Variants in RBFOX1 observed in about 807,000 individuals in gnomAD.
RBFOX1 encodes RNA binding protein fox-1 homolog 1.
Under a neutral mutation model 57.7 loss-of-function variants are expected in RBFOX1, and 8 were observed. The observed-to-expected ratio is 0.14, with a 90% CI of 0.08 to 0.25. The LOEUF is 0.25. Ranked by LOEUF, RBFOX1 falls within the 10% of genes least tolerant of loss-of-function variation. RBFOX1 has a pLI of 1.00. For synonymous variants in RBFOX1, 326 were observed against 222.4 expected (o/e 1.47, Z -4.15); for missense variants, 611 against 548.5 (o/e 1.11, Z -1.14).
At chr16:6,565,236 G>C (rs1353099395) in intron 2 of RBFOX1, among the ~76,000 whole-genome samples, 2 of 149,392 alleles carry the variant, frequency 1.3e-5, no homozygotes, top group Non-Finnish European at 3.0e-5. Flanking sequence ...GCCCCCAAAT[G>C]TGAAATGACT....
intron 3 of RBFOX1, among the ~76,000 whole-genome samples, chr16:6,866,411 A>G (rs1294231994): frequency 1.3e-5 from 2 of 151,884 alleles, no homozygotes; most frequent in Admixed American, 1.3e-4. Context: ...CTTATCCATC[A>G]TCTCCATGAC....
At chr16:6,098,580 C>G (rs1273886950) in intron 1 of RBFOX1, among the ~76,000 whole-genome samples, 1 of 152,218 alleles carries the variant, frequency 6.6e-6, no homozygotes. Flanking sequence ...AGAAACCCTG[C>G]TTCAGTCTTT....
chr16:7,366,842 G>A (rs1241758176), intron 4 of RBFOX1, among the ~76,000 whole-genome samples: 5 of 152,154 alleles, frequency 3.3e-5, no homozygotes, highest in Non-Finnish European at 7.3e-5. Context: ...AGAGACACAT[G>A]AAAGAATTAG....
chr16:6,988,182 G>C (rs1396984541), intron 3 of RBFOX1, among the ~76,000 whole-genome samples: 1 of 152,136 alleles, frequency 6.6e-6, no homozygotes, highest in African/African-American at 2.4e-5. Flanking sequence ...TTTTAGAAGT[G>C]TCCTAATGGT....
intron 2 of RBFOX1, among the ~76,000 whole-genome samples, chr16:5,544,046 C>T (rs1316525647): frequency 1.3e-5 from 2 of 152,188 alleles, no homozygotes; most frequent in Non-Finnish European, 2.9e-5. Context: ...ATGACCTGAA[C>T]AATGTCACCA....
At position 5,489,160 on chromosome 16, in the gene RBFOX1, G is replaced by C. The variant is rs529329494; in HGVS notation, c.258+21906G>C. ...CTGTGGGCAGCAGAGGGAAGGTTGG[G>C]GTATTTCTGCATGATAGGAATTCCT... On this transcript the variant is annotated intron_variant, in intron 2 of 2. Coordinates refer to the RBFOX1 transcript ENST00000585867. 6.6e-5 allele frequency among the ~76,000 whole-genome samples: 10 copies of C among 152,260 alleles called. No individual in the cohort carries two copies. In the East Asian group the frequency reaches 1.9e-3, roughly 29 times the overall value.
intron 1 of RBFOX1, among the ~76,000 whole-genome samples, chr16:5,403,875 G>C (rs1298852071): frequency 2.0e-5 from 3 of 152,126 alleles, no homozygotes; most frequent in Non-Finnish European, 4.4e-5. Flanking sequence ...AATATACTGG[G>C]GAAAGATAGT....
chr16:6,996,111 G>C (rs939773969), intron 3 of RBFOX1, among the ~76,000 whole-genome samples: 1 of 152,156 alleles, frequency 6.6e-6, no homozygotes, highest in African/African-American at 2.4e-5. Flanking sequence ...TAGTTTTCAT[G>C]TCAAGAACAT....
intron 4 of RBFOX1, among the ~76,000 whole-genome samples, chr16:7,490,512 G>A (rs765816576): frequency 1.3e-5 from 2 of 152,220 alleles, no homozygotes; most frequent in Non-Finnish European, 2.9e-5. Flanking sequence ...CATGGAAGGA[G>A]TGGATAATGT....
chr16:5,646,442 G>C (rs1231668011), intron 3 of RBFOX1, among the ~76,000 whole-genome samples: 1 of 152,082 alleles, frequency 6.6e-6, no homozygotes, highest in Non-Finnish European at 1.5e-5. Flanking sequence ...CACAACCTCT[G>C]GTTCCCAGCA....
intron 4 of RBFOX1, among the ~76,000 whole-genome samples, chr16:7,381,567 G>A (rs1457381248): frequency 2.0e-5 from 3 of 151,236 alleles, no homozygotes; most frequent in African/African-American, 7.3e-5. Flanking sequence ...ACCCTAAAAA[G>A]AGGATTTGTT....
intron 4 of RBFOX1, among the ~76,000 whole-genome samples, chr16:7,197,068 A>G (rs2086883790): frequency 6.6e-6 from 1 of 152,166 alleles, no homozygotes; most frequent in Admixed American, 6.5e-5. Flanking sequence ...CTTGTGTGCT[A>G]GACACCTGAA....
chr16:7,589,912 GGTGTGTGTGTGTGTGTGTGTGT>G lies in RBFOX1; in HGVS notation c.468+2631_468+2652del, dbSNP rs3029164. Among the ~76,000 whole-genome samples, 256 of 135,054 alleles carry G rather than the reference GGTGTGTGTGTGTGTGTGTGTGT, an allele frequency of 1.9e-3. 1 individual carries two copies. The highest frequency in any genetic ancestry group is 5.7e-3 in the Admixed American group (74 of 12,886). 88.6% of individuals were successfully genotyped at this position (135,054 alleles called of 152,430 possible). On this transcript the variant is annotated intron_variant, in intron 7 of 15. Transcript: ENST00000550418. ...TCAATGCTGAAGGCTGTGTGTGCTG[GGTGTGTGTGTGTGTGTGTGTGT>G]GTGTGTGTGTGTGTGTGTATGCGGA...
intron 1 of RBFOX1, among the ~76,000 whole-genome samples, chr16:5,241,253 G>T (rs1416834477): frequency 1.3e-5 from 2 of 152,186 alleles, no homozygotes; most frequent in Non-Finnish European, 2.9e-5. Context: ...ACTGCATTCA[G>T]AGCTTGGGTC....
intron 3 of RBFOX1, among the ~76,000 whole-genome samples, chr16:6,871,488 A>G (rs925439557): frequency 5.3e-5 from 8 of 151,998 alleles, no homozygotes; most frequent in Non-Finnish European, 1.0e-4. Flanking sequence ...GCCCGGCCTC[A>G]AAATCACTCT....
At chr16:6,792,245 A>C (rs2083114372) in intron 3 of RBFOX1, among the ~76,000 whole-genome samples, 1 of 152,210 alleles carries the variant, frequency 6.6e-6, no homozygotes, top group South Asian at 2.1e-4. Flanking sequence ...ATTATAGGTG[A>C]TATTTAGATT....
At chr16:7,124,128 A>G (rs2067839893) in intron 4 of RBFOX1, among the ~76,000 whole-genome samples, 1 of 152,222 alleles carries the variant, frequency 6.6e-6, no homozygotes, top group Non-Finnish European at 1.5e-5. Context: ...AGAGTTTTCA[A>G]CGAACTTGTA....
At chr16:6,384,060 CTTTT>C (rs5815305) in intron 2 of RBFOX1, among the ~76,000 whole-genome samples, 7 of 126,624 alleles carry the variant, frequency 5.5e-5, no homozygotes, top group Admixed American at 2.4e-4. Flanking sequence ...ATTGGTTTTG[CTTTT>C]TTTTTTTTTT....
At chr16:5,607,067 C>T (rs780716706) in intron 3 of RBFOX1, among the ~76,000 whole-genome samples, 1 of 152,160 alleles carries the variant, frequency 6.6e-6, no homozygotes, top group Non-Finnish European at 1.5e-5. Context: ...AGGCCTTGGT[C>T]CCTCCTGGGC....
Sources: allele counts gnomAD v4.1 joint callset (sites outside exome capture counted in the v4.1 genomes callset), GRCh38; gene constraint gnomAD v4.1.1; transcripts MANE v1.5; gene names NCBI Gene and HGNC (gene_info 2026-07-23, HGNC 2026-07-21).